Variants in TIPARP observed in about 807,000 individuals in gnomAD.
The protein encoded by TIPARP is protein mono-ADP-ribosyltransferase TIPARP.
A neutral mutation model predicts 56.5 loss-of-function variants in TIPARP; 12 were observed. The ratio of observed to expected loss-of-function variants is 0.21; its 90% CI spans 0.14 to 0.34. The LOEUF (loss-of-function observed/expected upper bound fraction) is 0.34, where lower values mean the gene tolerates loss of function less well. Ranked by LOEUF, TIPARP falls within the 10% of genes least tolerant of loss-of-function variation. The pLI is 1.00. For missense variants in TIPARP, 604 were observed against 781.6 expected, an observed-to-expected ratio of 0.77 and a Z score of 2.71; for synonymous variants, 296 against 265.7, an observed-to-expected ratio of 1.11 and a Z score of -1.11.
At chr3:156,701,007 G>A (rs1318819424) in intron 4 of TIPARP, among the ~76,000 whole-genome samples, 3 of 152,192 alleles carry the variant, frequency 2.0e-5, no homozygotes, top group Non-Finnish European at 2.9e-5. Context: ...TTGTAACTGC[G>A]CTTGAAACAT....
chr3:156,704,888 G>A lies in TIPARP; in HGVS notation c.1731G>A (p.Lys577=), dbSNP rs1248897356. The A allele has an allele frequency of 3.7e-6, 6 of 1,614,180 alleles. 1 individual carries two copies. In the South Asian group the frequency reaches 6.6e-5, roughly 18 times the overall value. The change falls in exon 6 of 6, where the codon AAG becomes AAA. Residue 577 remains lysine, a synonymous_variant. Transcript: ENST00000295924. ...CAAGCTACTCTCATAACTTTTCTAA[G>A]AAGTCCTCCAAAGGAGTCCACTTCA... is the stretch of plus-strand genomic sequence containing the variant. The part of the protein sequence containing the change: ...KKASYSHNFS[K]KSSKGVHFMF...
At chr3:156,688,922 A>C (rs1722501183) in intron 2 of TIPARP, among the ~76,000 whole-genome samples, 1 of 152,142 alleles carries the variant, frequency 6.6e-6, no homozygotes, top group South Asian at 2.1e-4. Flanking sequence ...GTGTTGGGAG[A>C]TATTTTCACT....
chr3:156,693,730 G>A (rs935972558), intron 2 of TIPARP, among the ~76,000 whole-genome samples: 2 of 152,168 alleles, frequency 1.3e-5, no homozygotes, highest in African/African-American at 4.8e-5. Flanking sequence ...TAGAGTGGAG[G>A]GTGGGCTTAT....
chr3:156,689,494 C>G (rs1722513181), intron 2 of TIPARP, among the ~76,000 whole-genome samples: 1 of 152,150 alleles, frequency 6.6e-6, no homozygotes, highest in African/African-American at 2.4e-5. Context: ...TGTCCACTGC[C>G]AAAAATAAAT....
intron 4 of TIPARP, among the ~76,000 whole-genome samples, chr3:156,702,736 A>G (rs530605302): frequency 6.6e-6 from 1 of 152,362 alleles, no homozygotes; most frequent in South Asian, 2.1e-4. Flanking sequence ...ATCTAAAATC[A>G]TTGTTCAAAG....
At chr3:156,676,160 A>G (rs963372926) in intron 1 of TIPARP, among the ~76,000 whole-genome samples, 1 of 152,226 alleles carries the variant, frequency 6.6e-6, no homozygotes, top group African/African-American at 2.4e-5. Context: ...TTGAGGCAAT[A>G]ACACCAAATG....
At chr3:156,692,357 T>C (rs1393530832) in intron 2 of TIPARP, among the ~76,000 whole-genome samples, 1 of 152,170 alleles carries the variant, frequency 6.6e-6, no homozygotes, top group Non-Finnish European at 1.5e-5. Context: ...TTTTTTTGTT[T>C]TGTCGTGTTT....
chr3:156,705,110 C>A lies in TIPARP; in HGVS notation c.1953C>A (p.Val651=). ...ATTTTGTTATCCAATATGAAGAAGT[C>A]AGTAACACTGTTTCCATTTGAAAAA... The part of the protein sequence containing the change: ...YPYFVIQYEE[V]SNTVSI Residue 651 remains valine (V), a synonymous_variant, in exon 6 of 6, where the codon GTC becomes GTA. Transcript: ENST00000295924. The A allele has an allele frequency of 1.9e-6, 3 of 1,562,686 alleles. No individual in the cohort carries two copies. The highest frequency in any genetic ancestry group is 2.3e-5 in the South Asian group (2 of 87,818).
At chr3:156,700,308 A>C (rs1381167518) in intron 4 of TIPARP, among the ~76,000 whole-genome samples, 1 of 151,676 alleles carries the variant, frequency 6.6e-6, no homozygotes, top group Non-Finnish European at 1.5e-5. Context: ...TGTAGAGACA[A>C]GGTCTCACTA....
intron 1 of TIPARP, among the ~76,000 whole-genome samples, chr3:156,676,886 C>T (rs1230813995): frequency 6.6e-6 from 1 of 152,040 alleles, no homozygotes; most frequent in Non-Finnish European, 1.5e-5. Flanking sequence ...AAGGCAAGAA[C>T]TAGGAGGCTT....
chr3:156,684,011 G>A (rs2108489104), intron 2 of TIPARP, among the ~76,000 whole-genome samples: 1 of 152,244 alleles, frequency 6.6e-6, no homozygotes, highest in Non-Finnish European at 1.5e-5. Flanking sequence ...ATAATTATCA[G>A]TCTCCAATTT....
At chr3:156,695,351 C>T (rs745897330) in intron 3 of TIPARP, among the ~76,000 whole-genome samples, 6 of 151,996 alleles carry the variant, frequency 3.9e-5, no homozygotes, top group Admixed American at 3.9e-4. Flanking sequence ...ATAGCTGGGA[C>T]TACAGGTGCA....
At chr3:156,704,468 T>C (rs374297984) in intron 5 of TIPARP, among the ~76,000 whole-genome samples, 9 of 152,156 alleles carry the variant, frequency 5.9e-5, no homozygotes, top group African/African-American at 2.2e-4. Context: ...AGATTTAAGA[T>C]GAAAGAGAAA....
chr3:156,705,912 A>C lies in TIPARP; in HGVS notation c.*781A>C, dbSNP rs75565959. 113 of 152,762 alleles carry C rather than the reference A, an allele frequency of 7.4e-4. 1 individual carries two copies. Among genetic ancestry groups the C allele is most frequent in the African/African-American group, 2.4e-3 (99 of 41,570 alleles). 9.5% of individuals were successfully genotyped at this position (152,762 alleles called of 1,614,324 possible). A position where few individuals can be genotyped will look rare whatever the true frequency, so the allele number is the denominator to read the frequency against. On this transcript the variant is annotated 3_prime_UTR_variant, in exon 6 of 6. Transcript: ENST00000295924. ...CCATTCCAATTTGAAGGAGTTGGGC[A>C]GCTAATTTGGTTAAAGGCAGTCTTG...
intron 4 of TIPARP, among the ~76,000 whole-genome samples, chr3:156,698,155 G>A (rs1400847236): frequency 6.6e-6 from 1 of 152,208 alleles, no homozygotes; most frequent in Non-Finnish European, 1.5e-5. Flanking sequence ...CGAGAGAGGT[G>A]AGGAAGCTGC....
intron 4 of TIPARP, among the ~76,000 whole-genome samples, chr3:156,701,114 A>G (rs1258645495): frequency 6.6e-6 from 1 of 152,240 alleles, no homozygotes; most frequent in Non-Finnish European, 1.5e-5. Flanking sequence ...TTGGCTTGTT[A>G]AAAGTAAGCA....
chr3:156,693,978 T>C (rs1433781465), intron 2 of TIPARP, 42 bp from the exon 3 acceptor site: 1 of 1,552,394 alleles, frequency 6.4e-7, no homozygotes, highest in East Asian at 2.3e-5. Flanking sequence ...TACAAATTTA[T>C]TAACAGGTTT....
chr3:156,700,596 T>A (rs944570703), intron 4 of TIPARP, among the ~76,000 whole-genome samples: 3 of 152,202 alleles, frequency 2.0e-5, no homozygotes, highest in Admixed American at 6.5e-5. Context: ...GATCTTAGAA[T>A]ACTTGAACTG....
intron 4 of TIPARP, among the ~76,000 whole-genome samples, chr3:156,702,381 T>C (rs1722871752): frequency 6.6e-6 from 1 of 152,172 alleles, no homozygotes; most frequent in African/African-American, 2.4e-5. Flanking sequence ...AGTGATATTG[T>C]ATGTAAAATG....
Sources: gnomAD v4.1 joint callset for allele counts (sites outside exome capture counted in the v4.1 genomes callset) on GRCh38, gnomAD v4.1.1 for gene constraint, MANE v1.5 for transcripts, NCBI Gene and HGNC (gene_info 2026-07-23, HGNC 2026-07-21) for gene names.